The following NCKAP5 variants were observed in gnomAD, a reference collection of about 807,000 sequenced individuals.
NCKAP5 encodes NCK associated protein 5.
Under a neutral mutation model 167.0 loss-of-function variants are expected in NCKAP5, and 92 were observed. That is an observed-to-expected ratio of 0.55 (90% confidence interval 0.47 to 0.66). The LOEUF is 0.66. Ranked by LOEUF, NCKAP5 falls within the 30% of genes least tolerant of loss-of-function variation. The pLI is 0.00. For missense variants in NCKAP5, 2,378 were observed against 2,315.0 expected (o/e 1.03, Z -0.56); for synonymous variants, 891 against 877.4 (o/e 1.02, Z -0.27).
At chr2:133,408,772 T>G (rs1289375477) in intron 3 of NCKAP5, among the ~76,000 whole-genome samples, 1 of 152,208 alleles carries the variant, frequency 6.6e-6, no homozygotes, top group East Asian at 1.9e-4. Context: ...TGGCAGAGCC[T>G]TTCTGCTGCC....
intron 5 of NCKAP5, among the ~76,000 whole-genome samples, chr2:133,146,199 C>T (rs1008336419): frequency 1.3e-4 from 20 of 149,480 alleles, no homozygotes; most frequent in Non-Finnish European, 2.7e-4. Context: ...TGGGAGGGAA[C>T]ATCTAGATTA....
the NCKAP5 span, among the ~76,000 whole-genome samples, chr2:133,627,136 AG>A: frequency 1.4e-4 from 22 of 152,198 alleles, no homozygotes; most frequent in Non-Finnish European, 2.8e-4. Flanking sequence ...AAAAACAAAA[AG>A]CTAGGAAAAT....
chr2:132,743,096 G>C (rs1364271146), intron 16 of NCKAP5, among the ~76,000 whole-genome samples: 1 of 151,462 alleles, frequency 6.6e-6, no homozygotes, highest in Admixed American at 6.6e-5. Context: ...ACACACAATT[G>C]CAGTGTTTTC....
intron 18 of NCKAP5, 91 bp from the exon 19 acceptor site, chr2:132,725,850 G>C: frequency 7.6e-7 from 1 of 1,321,946 alleles, no homozygotes; most frequent in Non-Finnish European, 1.1e-6. Context: ...TTCACATCTG[G>C]CTGTCAATGT....
At chr2:132,691,609 C>T (rs984775395) in intron 19 of NCKAP5, among the ~76,000 whole-genome samples, 7 of 152,138 alleles carry the variant, frequency 4.6e-5, no homozygotes, top group East Asian at 1.9e-4. Context: ...GGACAAGCAC[C>T]GCCATTTTAA....
At chr2:132,714,480 C>T (rs569557126) in intron 19 of NCKAP5, among the ~76,000 whole-genome samples, 2 of 152,214 alleles carry the variant, frequency 1.3e-5, no homozygotes, top group South Asian at 2.1e-4. Context: ...GTGGTTGATG[C>T]GACTAATGCT....
At chr2:132,686,439 C>T (rs1685948477) in intron 19 of NCKAP5, among the ~76,000 whole-genome samples, 1 of 152,168 alleles carries the variant, frequency 6.6e-6, no homozygotes, top group Non-Finnish European at 1.5e-5. Context: ...GTCCCTTCAT[C>T]CCTGTGTGGA....
intron 3 of NCKAP5, among the ~76,000 whole-genome samples, chr2:133,451,579 A>G (rs1179531401): frequency 6.6e-6 from 1 of 152,168 alleles, no homozygotes; most frequent in African/African-American, 2.4e-5. Flanking sequence ...TTTTCCACCA[A>G]GGTAACATAT....
intron 6 of NCKAP5, among the ~76,000 whole-genome samples, chr2:133,035,508 C>A (rs939327983): frequency 6.6e-6 from 1 of 151,846 alleles, no homozygotes; most frequent in Non-Finnish European, 1.5e-5. Context: ...CCATATGTTA[C>A]GTAACAAAAC....
intron 8 of NCKAP5, among the ~76,000 whole-genome samples, chr2:132,884,192 C>T (rs1037355777): frequency 2.4e-4 from 36 of 152,222 alleles, no homozygotes; most frequent in Non-Finnish European, 4.6e-4. Context: ...TCTTTCAGGT[C>T]TCATAATGGA....
At chr2:133,015,658 G>A (rs563620006) in intron 6 of NCKAP5, among the ~76,000 whole-genome samples, 30 of 152,232 alleles carry the variant, frequency 2.0e-4, no homozygotes, top group African/African-American at 6.5e-4. Flanking sequence ...CCATTCATTC[G>A]CCCACTAATT....
At position 132,953,704 on chromosome 2, in the gene NCKAP5, A is replaced by G. The variant is rs537067432; in HGVS notation, c.579+10016T>C. On this transcript the variant is annotated intron_variant, in intron 8 of 19. Transcript: ENST00000409261. ...GAAAGATAATATGCCACAGAAGGGGAAAAAAAAAATAAGCAGTAACATTCT... is the reference window on the plus strand; with the variant it reads ...GAAAGATAATATGCCACAGAAGGGGGAAAAAAAAATAAGCAGTAACATTCT... 9.2e-4 allele frequency among the ~76,000 whole-genome samples: 98 copies of G among 106,632 alleles called. No homozygotes were observed. The South Asian group carries it at 0.024, about 26-fold the overall frequency. The allele number at this position is 106,632 out of a possible 152,430, so 70.0% of individuals were successfully genotyped here. A position where few individuals can be genotyped will look rare whatever the true frequency, so the allele number is the denominator to read the frequency against.
chr2:132,781,255 A>G (rs369994321), intron 14 of NCKAP5, 26 bp from the exon 15 acceptor site: 4 of 1,602,354 alleles, frequency 2.5e-6, no homozygotes, highest in South Asian at 1.1e-5. Context: ...GATTCCTCTG[A>G]TAAGTTACCT....
At chr2:133,067,351 A>G (rs1256727168) in intron 6 of NCKAP5, among the ~76,000 whole-genome samples, 1 of 152,268 alleles carries the variant, frequency 6.6e-6, no homozygotes, top group Non-Finnish European at 1.5e-5. Context: ...TTAAAAAAGA[A>G]AATACCATTT....
At position 133,462,492 on chromosome 2, in the gene NCKAP5, G is replaced by T. The variant is rs111993021; in HGVS notation, c.69+54966C>A. Among the ~76,000 whole-genome samples the T allele has an allele frequency of 3.5e-3, 537 of 152,274 alleles. 4 individuals carry two copies. The highest frequency in any genetic ancestry group is 0.013 in the African/African-American group (526 of 41,566). On this transcript the variant is annotated intron_variant, in intron 3 of 19. Transcript: ENST00000409261. ...AGCATTTTAGTTTTCTTATTGGAAA[G>T]AATGGAATCTCTGGTCCAAGATAGC...
rs1011043804 is a variant in NCKAP5 at position 133,469,608 on chromosome 2, T to G, written c.69+47850A>C. ...CTGGATAATATCCTGCAGCGTGTTT[T>G]CCAACTTGCTTCCATTCTCCCCATC... On this transcript the variant is annotated intron_variant, in intron 3 of 19. Transcript: ENST00000409261. 7.6e-4 allele frequency among the ~76,000 whole-genome samples: 116 copies of G among 152,294 alleles called. No individual in the cohort carries two copies. The Middle Eastern group carries it at 0.01, about 13-fold the overall frequency.
chr2:133,665,500 G>C, the NCKAP5 span, among the ~76,000 whole-genome samples: 1 of 152,174 alleles, frequency 6.6e-6, no homozygotes, highest in Non-Finnish European at 1.5e-5. Context: ...GGCATAGTCT[G>C]TGATACCTCA....
intron 4 of NCKAP5, among the ~76,000 whole-genome samples, chr2:133,253,827 A>C (rs1043858579): frequency 1.3e-5 from 2 of 152,230 alleles, no homozygotes; most frequent in African/African-American, 2.4e-5. Flanking sequence ...TCACAAAACC[A>C]CTGAAGGACC....
rs369870226 is a variant in NCKAP5 at position 132,768,796 on chromosome 2, C to T, written c.5128+5020G>A. ...CTGGGACTACAGGCGCCCGCCACCA[C>T]GCCCGGCTAATTTTTTGTATTTTTA... On this transcript the variant is annotated intron_variant, in intron 16 of 19. Coordinates refer to ENST00000409261, the MANE Select transcript of NCKAP5 (RefSeq NM_207363.3). Among the ~76,000 whole-genome samples, 10 of 151,458 alleles carry T rather than the reference C, an allele frequency of 6.6e-5. No individual in the cohort carries two copies. The East Asian group carries it at 7.8e-4, about 12-fold the overall frequency.
Sources: gnomAD v4.1 joint callset for allele counts (sites outside exome capture counted in the v4.1 genomes callset) on GRCh38, gnomAD v4.1.1 for gene constraint, MANE v1.5 for transcripts, NCBI Gene and HGNC (gene_info 2026-07-23, HGNC 2026-07-21) for gene names.